STX2: variants seen among roughly 807,000 people sequenced by gnomAD.
The protein encoded by STX2 is syntaxin 2, also known as syntaxin-2.
STX2 carries 27 observed loss-of-function variants against 40.6 expected under a neutral mutation model. That is an observed-to-expected ratio of 0.66 (90% CI 0.49 to 0.92). The LOEUF is 0.92. Among genes scored for constraint, STX2 ranks in the 40% least tolerant of loss-of-function variants. The pLI is 0.00. For missense variants in STX2, 328 were observed against 366.1 expected, an observed-to-expected ratio of 0.90 and a Z score of 0.85; for synonymous variants, 123 against 119.1, an observed-to-expected ratio of 1.03 and a Z score of -0.22.
chr12:130,808,954 C>A (rs763670656), intron 4 of STX2, among the ~76,000 whole-genome samples: 1 of 152,238 alleles, frequency 6.6e-6, no homozygotes, highest in Non-Finnish European at 1.5e-5. Flanking sequence ...GCAACCTCTG[C>A]CTCCCAGGCT....
At chr12:130,831,336 G>A (rs1436155892) in intron 1 of STX2, among the ~76,000 whole-genome samples, 1 of 152,084 alleles carries the variant, frequency 6.6e-6, no homozygotes, top group Non-Finnish European at 1.5e-5. Flanking sequence ...TAAATCACTT[G>A]GGTAAAAAAA....
chr12:130,794,767 T>C (rs1226979458), intron 10 of STX2, among the ~76,000 whole-genome samples: 1 of 152,208 alleles, frequency 6.6e-6, no homozygotes, highest in Non-Finnish European at 1.5e-5. Context: ...ATGCTCGTGA[T>C]TCCTTTCTGC....
At chr12:130,829,348 G>A (rs1254320548) in intron 1 of STX2, among the ~76,000 whole-genome samples, 1 of 152,186 alleles carries the variant, frequency 6.6e-6, no homozygotes, top group African/African-American at 2.4e-5. Flanking sequence ...TTAATTTTAT[G>A]GTCCCCATGT....
intron 8 of STX2, 26 bp downstream of exon 8, chr12:130,801,127 T>TG (rs1238111334): frequency 1.3e-6 from 2 of 1,593,886 alleles, no homozygotes; most frequent in South Asian, 2.3e-5. Context: ...ATATCTCTCT[T>TG]GGAGAATGCA....
intron 1 of STX2, among the ~76,000 whole-genome samples, chr12:130,836,643 T>C (rs886316423): frequency 1.1e-4 from 17 of 152,324 alleles, no homozygotes; most frequent in African/African-American, 3.8e-4. Flanking sequence ...TATAATTACA[T>C]AGCACTTGCT....
At chr12:130,798,730 C>T (rs1354493459) in intron 8 of STX2, 95 bp from the exon 9 acceptor site, 6 of 883,370 alleles carry the variant, frequency 6.8e-6, no homozygotes, top group East Asian at 2.8e-5. Flanking sequence ...TATATAAACA[C>T]GATGTGCATG....
At chr12:130,802,354 C>A (rs112772803) in intron 6 of STX2, among the ~76,000 whole-genome samples, 3,916 of 152,224 alleles carry the variant, frequency 0.026, 161 homozygotes, top group African/African-American at 0.083. Flanking sequence ...TGCGTCACCA[C>A]GCCCGGCTAA....
At chr12:130,809,085 T>C (rs1178569308) in intron 4 of STX2, among the ~76,000 whole-genome samples, 1 of 152,210 alleles carries the variant, frequency 6.6e-6, no homozygotes, top group Non-Finnish European at 1.5e-5. Context: ...CAGGCTGGTC[T>C]CGAACTCATG....
In STX2 at chr12:130,791,750, T is replaced by C. The variant is rs753259783; in HGVS notation, c.*273A>G. 1.2e-5 allele frequency: 8 copies of C among 675,328 alleles called. No homozygotes were observed. The highest frequency in any genetic ancestry group is 2.4e-4 in the Middle Eastern group (1 of 4,114). The allele number at this position is 675,328 out of a possible 1,614,324, so 41.8% of individuals were successfully genotyped here. A position where few individuals can be genotyped will look rare whatever the true frequency, so the allele number is the denominator to read the frequency against. On this transcript the variant is annotated 3_prime_UTR_variant, in exon 11 of 11. Transcript: ENST00000392373. ...CGCTGTCACTGAACAAGACGTTCGG[T>C]TGTGCTTCTTCCGTGAACTCATACA...
intron 3 of STX2, among the ~76,000 whole-genome samples, chr12:130,820,436 G>A (rs886726140): frequency 6.6e-6 from 1 of 152,310 alleles, no homozygotes; most frequent in African/African-American, 2.4e-5. Flanking sequence ...GGAGGCCGAG[G>A]CAGGTGGATC....
At chr12:130,828,877 A>G (rs144320617) in intron 1 of STX2, among the ~76,000 whole-genome samples, 3,574 of 149,446 alleles carry the variant, frequency 0.024, 153 homozygotes, top group African/African-American at 0.08. Flanking sequence ...CAAAAAAAAA[A>G]AAAAGAAAAG....
At chr12:130,812,920 C>G in intron 4 of STX2, 37 bp downstream of exon 4, 1 of 1,379,982 alleles carries the variant, frequency 7.2e-7, no homozygotes, top group South Asian at 1.3e-5. Flanking sequence ...ACCCATACTC[C>G]CAACATCAAT....
rs771299396 is a variant in STX2, at chr12:130,796,013, G to A, written c.*27C>T. 1 of 1,613,126 alleles carries A rather than the reference G, an allele frequency of 6.2e-7. No individual in the cohort carries two copies. Among genetic ancestry groups the A allele is most frequent in the Non-Finnish European group, 8.5e-7 (1 of 1,179,686 alleles). On this transcript the variant is annotated 3_prime_UTR_variant, in exon 10 of 11. Transcript: ENST00000392373. ...TACTTACTCCCACCCTGGCAGAGAG[G>A]CATGCACACTGACGTTATCCACACC...
At chr12:130,837,419 G>A (rs1234760192) in intron 1 of STX2, among the ~76,000 whole-genome samples, 1 of 152,104 alleles carries the variant, frequency 6.6e-6, no homozygotes, top group African/African-American at 2.4e-5. Flanking sequence ...GCAGCCTCCA[G>A]AGTAGCTGGG....
chr12:130,798,702 A>T, intron 8 of STX2, 67 bp from the exon 9 acceptor site: 1 of 1,245,878 alleles, frequency 8.0e-7, no homozygotes, highest in Non-Finnish European at 1.1e-6. Flanking sequence ...CTTTAAGACA[A>T]CCATAGAACA....
At chr12:130,813,155 A>G in intron 3 of STX2, 124 bp from the exon 4 acceptor site, 1 of 595,724 alleles carries the variant, frequency 1.7e-6, no homozygotes. Context: ...TTTCTGTAAG[A>G]AAAACTACCG....
chr12:130,833,823 C>G (rs1952662625), intron 1 of STX2, among the ~76,000 whole-genome samples: 1 of 152,192 alleles, frequency 6.6e-6, no homozygotes, highest in Non-Finnish European at 1.5e-5. Context: ...ATTTTTCTTA[C>G]CATGGGCATT....
At position 130,799,244 on chromosome 12, in the gene STX2, G is replaced by C. The variant is rs146808024; in HGVS notation, c.676-609C>G. 5.0e-4 allele frequency among the ~76,000 whole-genome samples: 76 copies of C among 152,320 alleles called. 1 individual carries two copies. In the East Asian group the frequency reaches 0.013, roughly 25 times the overall value. On this transcript the variant is annotated intron_variant, in intron 8 of 10. Transcript: ENST00000392373. Reference sequence around the variant, plus strand: ...GAATGACGGAGAGTTAACTCACTCAGTCACAAACTTCAACTTACTAGTAAT... The same window carrying C: ...GAATGACGGAGAGTTAACTCACTCACTCACAAACTTCAACTTACTAGTAAT...
rs930065394 is a variant in STX2 at position 130,798,539 on chromosome 12, T to C, written c.772A>G (p.Ser258Gly). The C allele has an allele frequency of 1.2e-5, 19 of 1,601,766 alleles. No individual in the cohort carries two copies. In the African/African-American group the frequency reaches 2.2e-4, roughly 18 times the overall value. Reference protein sequence around the residue: ...EETKKAIKYQSKARRKKWIII... With the variant: ...EETKKAIKYQGKARRKKWIII... ...GCCAAACTCACCCTTCTTGCCTTGC[T>C]CTGATATTTGATAGCTTTTTTTGTT... Residue 258 changes from serine (S) to glycine (G), a missense_variant, in exon 9 of 11, where the codon AGC becomes GGC. By Grantham distance (56) the Ser-to-Gly change is moderately conservative (BLOSUM62 0). Transcript: ENST00000392373.
Sources: gnomAD v4.1 joint callset for allele counts (sites outside exome capture counted in the v4.1 genomes callset) on GRCh38, gnomAD v4.1.1 for gene constraint, MANE v1.5 for transcripts, NCBI Gene and HGNC (gene_info 2026-07-23, HGNC 2026-07-21) for gene names.